The following DTX1 variants were observed in gnomAD, a reference collection of about 807,000 sequenced individuals.
DTX1 encodes the protein E3 ubiquitin-protein ligase DTX1.
DTX1 carries 26 observed loss-of-function variants against 57.8 expected under a neutral mutation model. The observed-to-expected ratio is 0.45, with a 90% CI of 0.33 to 0.62. The LOEUF is 0.62. DTX1 is among the 20% of genes least tolerant of loss of function. The pLI is 0.02. For synonymous variants in DTX1, 398 were observed against 394.1 expected (o/e 1.01, Z -0.12); for missense variants, 704 against 895.3 (o/e 0.79, Z 2.73).
intron 3 of DTX1, among the ~76,000 whole-genome samples, chr12:113,081,127 G>C (rs2044813931): frequency 6.6e-6 from 1 of 152,186 alleles, no homozygotes; most frequent in African/African-American, 2.4e-5. Context: ...TGGATCACTT[G>C]AGGCCAGGAG....
Position 113,093,103 on chromosome 12 carries a change from C to G in DTX1, c.942-59C>G. The G allele has an allele frequency of 1.9e-6, 3 of 1,540,172 alleles. No individual in the cohort carries two copies. Among genetic ancestry groups the G allele is most frequent in the Non-Finnish European group, 2.6e-6 (3 of 1,136,622 alleles). ...GCCAGAGACAGAAGGCAAGCCAGGT[C>G]CCCTGACGTCGCTTCGGGGGCTGGA... On this transcript the variant is annotated intron_variant, in intron 3 of 9. Coordinates refer to ENST00000548759, the MANE Select transcript of DTX1 (RefSeq NM_004416.3). The surrounding 1 kb of genome is among the most constrained non-coding windows in gnomAD (Gnocchi z 4.2).
At chr12:113,068,836 C>G (rs1402092009) in intron 2 of DTX1, among the ~76,000 whole-genome samples, 1 of 152,218 alleles carries the variant, frequency 6.6e-6, no homozygotes, top group Non-Finnish European at 1.5e-5. Flanking sequence ...CAGGCTAGCA[C>G]TCTGGTGGCA....
Position 113,093,338 on chromosome 12 carries a change from G to A in DTX1, c.1003+115G>A. The A allele has an allele frequency of 7.2e-7, 1 of 1,384,118 alleles. No homozygotes were observed. Among genetic ancestry groups the A allele is most frequent in the Non-Finnish European group, 9.7e-7 (1 of 1,025,764 alleles). The allele number at this position is 1,384,118 out of a possible 1,614,324, so 85.7% of individuals were successfully genotyped here. On this transcript the variant is annotated intron_variant, in intron 4 of 9. Transcript: ENST00000548759. The surrounding 1 kb of genome is among the most constrained non-coding windows in gnomAD (Gnocchi z 4.2). ...CTGGTGAGCGTGGCCCGGAGGAAAC[G>A]CCCCCTTCCACTGGGCCCAGGACAC...
chr12:113,083,056 G>A (rs2136062264), intron 3 of DTX1, among the ~76,000 whole-genome samples: 1 of 152,282 alleles, frequency 6.6e-6, no homozygotes, highest in African/African-American at 2.4e-5. Context: ...TCTCTCCTGG[G>A]CTTGTAGATT....
intron 2 of DTX1, among the ~76,000 whole-genome samples, chr12:113,075,388 T>C (rs2044764544): frequency 6.6e-6 from 1 of 152,142 alleles, no homozygotes; most frequent in Admixed American, 6.5e-5. Flanking sequence ...ACCCCTCTTT[T>C]TGAGATGGGG....
intron 2 of DTX1, among the ~76,000 whole-genome samples, chr12:113,063,697 G>A (rs1410932701): frequency 6.6e-6 from 1 of 152,224 alleles, no homozygotes; most frequent in Non-Finnish European, 1.5e-5. Flanking sequence ...GGTGGTGGCT[G>A]GTTCTGGGAT....
intron 2 of DTX1, among the ~76,000 whole-genome samples, chr12:113,071,862 A>G (rs925892899): frequency 2.0e-5 from 3 of 152,232 alleles, no homozygotes; most frequent in African/African-American, 7.2e-5. Flanking sequence ...CCTGCTCTCC[A>G]GGTTCCAATC....
intron 3 of DTX1, among the ~76,000 whole-genome samples, chr12:113,087,966 C>T (rs1222629988): frequency 2.6e-5 from 4 of 152,198 alleles, no homozygotes; most frequent in African/African-American, 9.6e-5. Flanking sequence ...TCCAGTTAGA[C>T]AGCCCTGATC....
chr12:113,068,072 A>G (rs1367790323), intron 2 of DTX1, among the ~76,000 whole-genome samples: 1 of 152,186 alleles, frequency 6.6e-6, no homozygotes, highest in East Asian at 1.9e-4. Context: ...ACAGGTCACT[A>G]TTTTTTAAAT....
intron 2 of DTX1, among the ~76,000 whole-genome samples, chr12:113,075,548 C>T (rs554110807): frequency 6.6e-6 from 1 of 152,216 alleles, no homozygotes; most frequent in Non-Finnish European, 1.5e-5. Flanking sequence ...TCTGAGAAGT[C>T]CTGCGGCCTG....
intron 3 of DTX1, among the ~76,000 whole-genome samples, chr12:113,087,593 TG>T (rs1330339227): frequency 1.3e-5 from 2 of 151,106 alleles, no homozygotes; most frequent in African/African-American, 2.4e-5. Flanking sequence ...AGGGAGAGGG[TG>T]GGGGGTCCCT....
rs1437835898 is a variant in DTX1 at position 113,094,048 on chromosome 12, C to A, written c.1176C>A (p.Pro392=). The change falls in exon 6 of 10, where the codon CCC becomes CCA. Residue 392 remains proline (P), a synonymous_variant. Coordinates refer to ENST00000548759, the MANE Select transcript of DTX1 (RefSeq NM_004416.3). ...KKKHLKKSKN[P]EDVVRRYMQK... Reference sequence around the variant, plus strand: ...GCTGTGTCCCTGCAGGTAAGAATCCCGAGGATGTGGTTCGAAGATACATGC... The same window carrying A: ...GCTGTGTCCCTGCAGGTAAGAATCCAGAGGATGTGGTTCGAAGATACATGC... 3 of 1,571,294 alleles carry A rather than the reference C, an allele frequency of 1.9e-6. No individual in the cohort carries two copies. Among genetic ancestry groups the A allele is most frequent in the African/African-American group, 2.7e-5 (2 of 74,246 alleles).
chr12:113,087,721 C>T (rs903844155), intron 3 of DTX1, among the ~76,000 whole-genome samples: 2 of 151,924 alleles, frequency 1.3e-5, no homozygotes, highest in East Asian at 1.9e-4. Flanking sequence ...TTGGGGTCTG[C>T]TGGGTAAGTG....
chr12:113,071,409 C>CAG (rs1406821744), intron 2 of DTX1, among the ~76,000 whole-genome samples: 1 of 152,244 alleles, frequency 6.6e-6, no homozygotes, highest in Non-Finnish European at 1.5e-5. Context: ...ACAACAAAGG[C>CAG]AGAGACACAA....
rs1255750556 is a variant in DTX1, at chr12:113,096,721, C to T, written c.1645C>T (p.Arg549Trp). ...PNNEKGRKVL[R>W]LLITAWERRL... Reference sequence around the variant, plus strand: ...TGTGTCCCTGTCCCCCCAGGTGCTGCGGCTGCTCATCACGGCCTGGGAGAG... The same window carrying T: ...TGTGTCCCTGTCCCCCCAGGTGCTGTGGCTGCTCATCACGGCCTGGGAGAG... Residue 549 changes from arginine to tryptophan, a missense_variant, in exon 10 of 10, where the codon CGG (arginine) becomes TGG (tryptophan). This residue lies in a region of DTX1 where 168 missense variants were observed against 255.6 expected (regional missense o/e 0.66). Transcript: ENST00000548759. The T allele has an allele frequency of 9.9e-6, 16 of 1,611,468 alleles. No homozygotes were observed. Among genetic ancestry groups the T allele is most frequent in the East Asian group, 6.7e-5 (3 of 44,784 alleles).
chr12:113,088,531 C>G lies in DTX1; in HGVS notation c.942-4631C>G, dbSNP rs532051793. The stretch of plus-strand genomic sequence containing the variant: ...GTAAATGATGAGTTAATGGGCGCAG[C>G]ACACCAGCATGGCACATGTATACAT... On this transcript the variant is annotated intron_variant, in intron 3 of 9. Transcript: ENST00000548759. 8.5e-5 allele frequency among the ~76,000 whole-genome samples: 13 copies of G among 152,334 alleles called. No homozygotes were observed. The South Asian group carries it at 2.7e-3, about 32-fold the overall frequency.
chr12:113,078,212 A>C, intron 3 of DTX1, 107 bp downstream of exon 3: 1 of 889,736 alleles, frequency 1.1e-6, no homozygotes, highest in Non-Finnish European at 1.4e-6. Context: ...AATAATAATA[A>C]TGACGATAAG....
intron 3 of DTX1, among the ~76,000 whole-genome samples, chr12:113,086,403 G>A (rs1021922762): frequency 6.6e-6 from 1 of 152,156 alleles, no homozygotes. Flanking sequence ...CAGGGCAATC[G>A]GTGGGAAAGA....
chr12:113,063,429 C>A (rs1332100429), intron 2 of DTX1, among the ~76,000 whole-genome samples: 1 of 152,226 alleles, frequency 6.6e-6, no homozygotes, highest in Non-Finnish European at 1.5e-5. Context: ...TGTAACTCAG[C>A]CACTTCCGCA....
Sources: allele counts gnomAD v4.1 joint callset (sites outside exome capture counted in the v4.1 genomes callset), GRCh38; gene constraint gnomAD v4.1.1; regional missense constraint gnomAD v4.1.1; non-coding constraint Gnocchi (gnomAD v3.1); transcripts MANE v1.5; gene names NCBI Gene and HGNC (gene_info 2026-07-23, HGNC 2026-07-21).